ZCCHC7: variants seen among roughly 807,000 people sequenced by gnomAD.
ZCCHC7 encodes the protein zinc finger CCHC-type containing 7, also known as zinc finger CCHC domain-containing protein 7.
ZCCHC7 carries 35 observed loss-of-function variants against 52.0 expected under a neutral mutation model. The ratio of observed to expected loss-of-function variants is 0.67; its 90% CI spans 0.51 to 0.89. The LOEUF is 0.89. ZCCHC7 is among the 40% of genes least tolerant of loss of function. The probability of loss-of-function intolerance (pLI) is 0.00; values close to 1 mark genes in which losing one functional copy is unlikely to be tolerated. For missense variants in ZCCHC7, 574 were observed against 649.1 expected (o/e 0.88, Z 1.26); for synonymous variants, 217 against 221.5 (o/e 0.98, Z 0.18).
chr9:37,250,300 C>CTTT (rs1220457810), intron 2 of ZCCHC7, among the ~76,000 whole-genome samples: 6 of 132,434 alleles, frequency 4.5e-5, no homozygotes, highest in Admixed American at 7.8e-5. Flanking sequence ...CTTTCTCTCT[C>CTTT]TTTTTTTTTT....
chr9:37,327,522 C>CT, intron 5 of ZCCHC7: 1 of 377,622 alleles, frequency 2.6e-6, no homozygotes. Context: ...AGTTATGGCT[C>CT]TTTATCACAT....
intron 2 of ZCCHC7, among the ~76,000 whole-genome samples, chr9:37,131,254 G>T (rs963059848): frequency 6.6e-6 from 1 of 151,508 alleles, no homozygotes; most frequent in Non-Finnish European, 1.5e-5. Context: ...GCAGGAGAAT[G>T]GTGTGAACCT....
chr9:37,219,581 A>G (rs537375968), intron 2 of ZCCHC7, among the ~76,000 whole-genome samples: 1 of 152,324 alleles, frequency 6.6e-6, no homozygotes, highest in African/African-American at 2.4e-5. Context: ...GCACTCTTTT[A>G]AGAATTATTT....
At chr9:37,218,723 C>T (rs775820815) in intron 2 of ZCCHC7, among the ~76,000 whole-genome samples, 2 of 152,126 alleles carry the variant, frequency 1.3e-5, no homozygotes, top group African/African-American at 2.4e-5. Context: ...GCAGGAGAAT[C>T]GCTTGAACCT....
chr9:37,306,661 C>T (rs967267360), intron 5 of ZCCHC7, among the ~76,000 whole-genome samples: 1 of 144,326 alleles, frequency 6.9e-6, no homozygotes, highest in East Asian at 2.2e-4. Flanking sequence ...TACGGGGTTT[C>T]ACCACGTTGG....
intron 3 of ZCCHC7, among the ~76,000 whole-genome samples, chr9:37,303,149 G>A (rs1829114129): frequency 2.0e-5 from 3 of 152,206 alleles, no homozygotes; most frequent in South Asian, 4.1e-4. Context: ...GGCTGGCCGG[G>A]CGTGGTGGCT....
At chr9:37,335,202 ATC>A (rs1276054931) in intron 6 of ZCCHC7, among the ~76,000 whole-genome samples, 1 of 152,024 alleles carries the variant, frequency 6.6e-6, no homozygotes, top group African/African-American at 2.4e-5. Context: ...GTTTTCTTGG[ATC>A]TCTCACATTT....
At chr9:37,319,301 A>T (rs1303476605) in intron 5 of ZCCHC7, among the ~76,000 whole-genome samples, 1 of 152,016 alleles carries the variant, frequency 6.6e-6, no homozygotes, top group Admixed American at 6.6e-5. Flanking sequence ...ATTTCAAAAT[A>T]TTTTTTTCTA....
At chr9:37,178,397 C>T (rs552128093) in intron 2 of ZCCHC7, among the ~76,000 whole-genome samples, 11 of 131,078 alleles carry the variant, frequency 8.4e-5, no homozygotes, top group Admixed American at 2.2e-4. Context: ...CTGGCCGCCC[C>T]CTACCCCCCA....
At chr9:37,208,925 C>T (rs1459206533) in intron 2 of ZCCHC7, among the ~76,000 whole-genome samples, 2 of 152,202 alleles carry the variant, frequency 1.3e-5, no homozygotes, top group Non-Finnish European at 2.9e-5. Flanking sequence ...TCTCCTAATA[C>T]TATCACCTAT....
intron 2 of ZCCHC7, among the ~76,000 whole-genome samples, chr9:37,254,709 A>G (rs992273615): frequency 8.6e-5 from 13 of 152,024 alleles, no homozygotes; most frequent in Non-Finnish European, 1.8e-4. Context: ...AGTATTCCTT[A>G]TCCAAAATGC....
At chr9:37,128,777 T>G (rs539051491) in intron 2 of ZCCHC7, among the ~76,000 whole-genome samples, 37 of 152,210 alleles carry the variant, frequency 2.4e-4, no homozygotes, top group Non-Finnish European at 5.0e-4. Context: ...TAAAATGATG[T>G]GAACTTGTAG....
chr9:37,239,028 A>G (rs1258702723), intron 2 of ZCCHC7, among the ~76,000 whole-genome samples: 2 of 152,166 alleles, frequency 1.3e-5, no homozygotes, highest in African/African-American at 4.8e-5. Flanking sequence ...TTTTAAGAAC[A>G]ACACAATAAA....
At chr9:37,127,242 C>G (rs547340718) in intron 2 of ZCCHC7, among the ~76,000 whole-genome samples, 8 of 152,234 alleles carry the variant, frequency 5.3e-5, no homozygotes, top group Admixed American at 3.9e-4. Context: ...CTTCCCCCCT[C>G]TCTCTCTGCT....
chr9:37,177,667 A>T (rs1822115440), intron 2 of ZCCHC7, among the ~76,000 whole-genome samples: 1 of 152,214 alleles, frequency 6.6e-6, no homozygotes, highest in Non-Finnish European at 1.5e-5. Flanking sequence ...GACATGAAAG[A>T]TCAGTCACAT....
intron 5 of ZCCHC7, among the ~76,000 whole-genome samples, chr9:37,319,158 G>A (rs1200917155): frequency 9.1e-5 from 8 of 87,930 alleles, no homozygotes; most frequent in African/African-American, 1.3e-4. Context: ...TTTCATGCAC[G>A]CACTTATCAT....
At chr9:37,134,109 C>A (rs1404679149) in intron 2 of ZCCHC7, among the ~76,000 whole-genome samples, 1 of 152,130 alleles carries the variant, frequency 6.6e-6, no homozygotes, top group East Asian at 1.9e-4. Context: ...TCATCACATA[C>A]CCAGCTAGTG....
intron 2 of ZCCHC7, among the ~76,000 whole-genome samples, chr9:37,209,193 A>G (rs935704414): frequency 2.0e-5 from 3 of 151,980 alleles, no homozygotes; most frequent in Non-Finnish European, 2.9e-5. Flanking sequence ...GGCGCCCACA[A>G]CCACGCCTGG....
At chr9:37,172,454 T>A (rs1428182394) in intron 2 of ZCCHC7, among the ~76,000 whole-genome samples, 1 of 152,230 alleles carries the variant, frequency 6.6e-6, no homozygotes, top group East Asian at 1.9e-4. Context: ...CATCTGGTGT[T>A]TTGAGTGTGC....
Sources: gnomAD v4.1 joint callset for allele counts (sites outside exome capture counted in the v4.1 genomes callset) on GRCh38, gnomAD v4.1.1 for gene constraint, MANE v1.5 for transcripts, NCBI Gene and HGNC (gene_info 2026-07-23, HGNC 2026-07-21) for gene names.